TCF4: variants seen among roughly 807,000 people sequenced by gnomAD.
The protein encoded by TCF4 is transcription factor 4, also known as SL3-3 enhancer factor 2.
In TCF4, 3 loss-of-function variants were observed where a neutral mutation model predicts 82.1. The observed-to-expected ratio is 0.04, with a 90% CI of 0.02 to 0.09. The LOEUF is 0.09. Among genes scored for constraint, TCF4 ranks in the 10% least tolerant of loss-of-function variants. TCF4 has a pLI of 1.00. For missense variants in TCF4, 518 were observed against 852.7 expected (o/e 0.61, Z 4.89); for synonymous variants, 276 against 309.6 (o/e 0.89, Z 1.14).
At chr18:55,278,875 G>A (rs1371169275) in intron 9 of TCF4, among the ~76,000 whole-genome samples, 1 of 152,126 alleles carries the variant, frequency 6.6e-6, no homozygotes, top group East Asian at 1.9e-4. Flanking sequence ...CCACATCTTG[G>A]TCTTTTTTGA....
At chr18:55,573,352 G>A (rs1388649511) in intron 3 of TCF4, among the ~76,000 whole-genome samples, 1 of 149,532 alleles carries the variant, frequency 6.7e-6, no homozygotes, top group Admixed American at 6.6e-5. Context: ...ATGACCTAAA[G>A]GTACAGATTT....
At chr18:55,332,738 T>G (rs1471476201) in intron 8 of TCF4, among the ~76,000 whole-genome samples, 1 of 152,222 alleles carries the variant, frequency 6.6e-6, no homozygotes, top group Non-Finnish European at 1.5e-5. Context: ...ACCTCGAACT[T>G]TAAGCTGATT....
At chr18:55,306,318 C>A (rs907374254) in intron 8 of TCF4, among the ~76,000 whole-genome samples, 15 of 152,146 alleles carry the variant, frequency 9.9e-5, no homozygotes, top group African/African-American at 3.6e-4. Context: ...CACAGCTATA[C>A]AAGCCTGCTG....
intron 5 of TCF4, among the ~76,000 whole-genome samples, chr18:55,444,280 G>A (rs1045648335): frequency 2.0e-5 from 3 of 152,120 alleles, no homozygotes; most frequent in Non-Finnish European, 4.4e-5. Flanking sequence ...AAATATGAAT[G>A]TATACATGGA....
intron 3 of TCF4, among the ~76,000 whole-genome samples, chr18:55,560,972 A>G (rs2097350245): frequency 6.6e-6 from 1 of 152,264 alleles, no homozygotes. Flanking sequence ...GGTTCTGAAT[A>G]TGTTCAAATT....
rs1161981919 is a variant in TCF4, at chr18:55,223,161, T to C, written c.*4874A>G. 6.6e-6 allele frequency: 1 copy of C among 152,202 alleles called. No homozygotes were observed. The highest frequency in any genetic ancestry group is 1.5e-5 in the Non-Finnish European group (1 of 68,036). 9.4% of individuals were successfully genotyped at this position (152,202 alleles called of 1,614,324 possible). A position where few individuals can be genotyped will look rare whatever the true frequency, so the allele number is the denominator to read the frequency against. ...GTTCAGAGCTCTTCAAATGCATAGC[T>C]TCAGTGTTACACACACATTAATTAT... On this transcript the variant is annotated 3_prime_UTR_variant, in exon 20 of 20. Transcript: ENST00000354452.
intron 8 of TCF4, among the ~76,000 whole-genome samples, chr18:55,340,351 C>T (rs921916485): frequency 3.3e-5 from 5 of 151,918 alleles, no homozygotes; most frequent in East Asian, 1.9e-4. Flanking sequence ...GGGCTGACTA[C>T]GTGTCTTGGT....
intron 8 of TCF4, among the ~76,000 whole-genome samples, chr18:55,280,195 T>A (rs1265553738): frequency 6.6e-6 from 1 of 152,192 alleles, no homozygotes; most frequent in Non-Finnish European, 1.5e-5. Flanking sequence ...TCCCATAGTG[T>A]CAGCTTTTTG....
chr18:55,620,325 A>G (rs2097716432), intron 2 of TCF4, among the ~76,000 whole-genome samples: 1 of 152,202 alleles, frequency 6.6e-6, no homozygotes, highest in African/African-American at 2.4e-5. Flanking sequence ...TGCTTAATTG[A>G]GAGCTAATAT....
chr18:55,430,732 A>G (rs2095165240), intron 5 of TCF4, among the ~76,000 whole-genome samples: 1 of 152,142 alleles, frequency 6.6e-6, no homozygotes, highest in Non-Finnish European at 1.5e-5. Context: ...AAAAGACAAA[A>G]CGAACAGGGC....
intron 5 of TCF4, among the ~76,000 whole-genome samples, chr18:55,423,929 A>C (rs1569454867): frequency 6.6e-6 from 1 of 152,100 alleles, no homozygotes; most frequent in Non-Finnish European, 1.5e-5. Context: ...GGGAGGGGAG[A>C]TGAGGACAGG....
In TCF4 at chr18:55,403,796, A is replaced by G. The variant is rs927659234; in HGVS notation, c.305-278T>C. 6.6e-6 allele frequency: 10 copies of G among 1,510,514 alleles called. No homozygotes were observed. The East Asian group carries it at 9.8e-5, about 15-fold the overall frequency. The allele number at this position is 1,510,514 out of a possible 1,614,324, so 93.6% of individuals were successfully genotyped here. ...CACTTTCTCTAACAAACAAATCGTA[A>G]CTCCTTATTTTCACTTTCTCTTGCA... On this transcript the variant is annotated intron_variant, in intron 5 of 19. Transcript: ENST00000354452.
intron 8 of TCF4, among the ~76,000 whole-genome samples, chr18:55,346,292 C>A (rs952083177): frequency 1.3e-5 from 2 of 152,090 alleles, no homozygotes; most frequent in Non-Finnish European, 2.9e-5. Context: ...TTCAAACCTA[C>A]CTACTGATTA....
intron 2 of TCF4, among the ~76,000 whole-genome samples, chr18:55,611,891 C>T (rs1468269143): frequency 6.6e-6 from 1 of 152,156 alleles, no homozygotes; most frequent in Non-Finnish European, 1.5e-5. Context: ...GCCTCAGCCT[C>T]CCAAGTAGCT....
At chr18:55,635,741 C>T in exon 1 of TCF4, 1 of 1,550,544 alleles carries the variant, frequency 6.4e-7, no homozygotes, top group Non-Finnish European at 8.7e-7. Flanking sequence ...TAGCAGTTCT[C>T]AACCCAAGTG....
intron 3 of TCF4, among the ~76,000 whole-genome samples, chr18:55,520,081 T>C (rs575279333): frequency 2.6e-5 from 4 of 152,252 alleles, no homozygotes; most frequent in South Asian, 2.1e-4. Context: ...AAATGAATAA[T>C]TCAAATTGAT....
intron 8 of TCF4, among the ~76,000 whole-genome samples, chr18:55,340,276 CA>C (rs2079592536): frequency 1.3e-5 from 2 of 152,230 alleles, no homozygotes; most frequent in African/African-American, 4.8e-5. Context: ...TGTACCAGTT[CA>C]AAAGAGAGAA....
chr18:55,279,758 C>G (rs1023571270), intron 8 of TCF4, 102 bp from the exon 9 acceptor site: 2 of 1,549,782 alleles, frequency 1.3e-6, no homozygotes, highest in Non-Finnish European at 1.8e-6. Context: ...ACATTTCTAC[C>G]CTTTCCAGTT....
chr18:55,586,992 T>G, intron 2 of TCF4, 53 bp downstream of exon 2: 3 of 1,528,544 alleles, frequency 2.0e-6, no homozygotes, highest in South Asian at 1.1e-5. Flanking sequence ...AGTGTTTGGG[T>G]TTTTGTTTTG....
Sources: gnomAD v4.1 joint callset for allele counts (sites outside exome capture counted in the v4.1 genomes callset) on GRCh38, gnomAD v4.1.1 for gene constraint, MANE v1.5 for transcripts, NCBI Gene and HGNC (gene_info 2026-07-23, HGNC 2026-07-21) for gene names.